Variants in PRDM6 observed in about 807,000 individuals in gnomAD.
The protein encoded by PRDM6 is putative histone-lysine N-methyltransferase PRDM6.
In PRDM6, 25 loss-of-function variants were observed where a neutral mutation model predicts 60.8. The observed-to-expected ratio is 0.41, with a 90% CI of 0.30 to 0.57. PRDM6 has a LOEUF of 0.57. PRDM6 is among the 20% of genes least tolerant of loss of function. PRDM6 has a pLI of 0.27. For missense variants in PRDM6, 839 were observed against 821.3 expected, an observed-to-expected ratio of 1.02 and a Z score of -0.26; for synonymous variants, 407 against 357.4, an observed-to-expected ratio of 1.14 and a Z score of -1.57.
chr5:123,129,666 C>T (rs1764775416), intron 3 of PRDM6, among the ~76,000 whole-genome samples: 1 of 152,122 alleles, frequency 6.6e-6, no homozygotes, highest in African/African-American at 2.4e-5. Context: ...GTAGGTCTAT[C>T]CTAAATTCAC....
Position 123,122,164 on chromosome 5 carries a change from CAAAAA to C in PRDM6, c.900+22221_900+22225del, listed in dbSNP as rs138619125. Among the ~76,000 whole-genome samples the C allele has an allele frequency of 1.2e-4, 12 of 98,906 alleles. 1 individual carries two copies. Among genetic ancestry groups the C allele is most frequent in the Non-Finnish European group, 9.2e-5 (5 of 54,546 alleles). 64.9% of individuals were successfully genotyped at this position (98,906 alleles called of 152,430 possible). ...GGCGACAGTGCGAGACTCCATCTGA[CAAAAA>C]AAAAAAAAAAAAAAAAAGAATTCCT... On this transcript the variant is annotated intron_variant, in intron 3 of 7. Coordinates refer to ENST00000407847, the MANE Select transcript of PRDM6 (RefSeq NM_001136239.4).
intron 2 of PRDM6, among the ~76,000 whole-genome samples, chr5:123,094,342 C>T (rs1411398235): frequency 6.6e-6 from 1 of 152,130 alleles, no homozygotes; most frequent in African/African-American, 2.4e-5. Flanking sequence ...CTGCCCTGCG[C>T]CTCCTCTGTC....
chr5:123,159,373 C>T (rs1765576100), intron 4 of PRDM6, 141 bp from the exon 5 acceptor site: 10 of 885,588 alleles, frequency 1.1e-5, no homozygotes, highest in Non-Finnish European at 1.7e-5. Flanking sequence ...TTGCTGGGGA[C>T]AATCAGTTGG....
intron 5 of PRDM6, among the ~76,000 whole-genome samples, chr5:123,164,736 G>C (rs566966415): frequency 9.2e-4 from 140 of 152,218 alleles, no homozygotes; most frequent in African/African-American, 3.2e-3. Context: ...AGGATATTGT[G>C]GTGTGCTGCC....
chr5:123,107,198 A>C (rs1764215518), intron 3 of PRDM6, among the ~76,000 whole-genome samples: 3 of 152,366 alleles, frequency 2.0e-5, no homozygotes, highest in Admixed American at 6.5e-5. Flanking sequence ...TATGATGCCA[A>C]TTTAAAAGGA....
At chr5:123,150,786 C>T (rs141005710) in intron 3 of PRDM6, among the ~76,000 whole-genome samples, 3 of 152,256 alleles carry the variant, frequency 2.0e-5, no homozygotes, top group East Asian at 1.9e-4. Flanking sequence ...TTGTAAACAG[C>T]GCTGGGTTCA....
intron 4 of PRDM6, among the ~76,000 whole-genome samples, chr5:123,158,837 GT>G (rs147933531): frequency 5.1e-4 from 76 of 148,072 alleles, no homozygotes; most frequent in Middle Eastern, 3.4e-3. Context: ...TAATCTGTAG[GT>G]TTTTTTTTTA....
chr5:123,105,505 TG>T (rs1764182652), intron 3 of PRDM6, among the ~76,000 whole-genome samples: 1 of 152,208 alleles, frequency 6.6e-6, no homozygotes, highest in African/African-American at 2.4e-5. Context: ...TAGTATAATA[TG>T]GATTAAAAAT....
chr5:123,141,237 G>A (rs953255745), intron 3 of PRDM6, among the ~76,000 whole-genome samples: 1 of 151,826 alleles, frequency 6.6e-6, no homozygotes, highest in East Asian at 1.9e-4. Flanking sequence ...GAAATATGAT[G>A]TGCTGCAATG....
At chr5:123,183,399 C>T (rs1410301542) in intron 7 of PRDM6, among the ~76,000 whole-genome samples, 1 of 152,132 alleles carries the variant, frequency 6.6e-6, no homozygotes, top group Admixed American at 6.6e-5. Context: ...TTTTTGAAGG[C>T]ATATCAAGAT....
At chr5:123,161,555 A>G (rs1276580526) in intron 5 of PRDM6, among the ~76,000 whole-genome samples, 1 of 152,210 alleles carries the variant, frequency 6.6e-6, no homozygotes. Context: ...GGAACAAGCC[A>G]TGTGTTAGTA....
chr5:123,089,915 C>G, intron 1 of PRDM6, 85 bp from the exon 2 acceptor site: 1 of 1,005,012 alleles, frequency 1.0e-6, no homozygotes, highest in Non-Finnish European at 1.4e-6. Context: ...CCGGCTCGGG[C>G]ACTTTCTCCA....
At chr5:123,135,002 A>AAAAAC (rs1245879530) in intron 3 of PRDM6, among the ~76,000 whole-genome samples, 179 of 152,074 alleles carry the variant, frequency 1.2e-3, no homozygotes, top group African/African-American at 4.3e-3. Context: ...ATTCTTAAAA[A>AAAAAC]AAAAACCCAA....
chr5:123,090,280 C>G lies in PRDM6; in HGVS notation c.266C>G (p.Ser89Cys), dbSNP rs767067488. Residue 89 changes from serine (S) to cysteine (C), a missense_variant, in exon 2 of 8, where the codon TCC (serine) becomes TGC (cysteine). By Grantham distance (112) the Ser-to-Cys change is moderately radical. Coordinates refer to ENST00000407847, the MANE Select transcript of PRDM6 (RefSeq NM_001136239.4). Reference sequence around the variant, plus strand: ...TCCACGCCGGCTTCCTCTTCCACCTCCGCCTCCTCCGCCTCCTCCTGCGCT... The same window carrying G: ...TCCACGCCGGCTTCCTCTTCCACCTGCGCCTCCTCCGCCTCCTCCTGCGCT... The part of the protein sequence containing the change: ...ASSTPASSST[S>C]ASSASSCAAA... The G allele has an allele frequency of 2.0e-6, 3 of 1,487,652 alleles. No individual in the cohort carries two copies. The African/African-American group carries it at 4.4e-5, about 22-fold the overall frequency. The allele number at this position is 1,487,652 out of a possible 1,614,324, so 92.2% of individuals were successfully genotyped here.
intron 6 of PRDM6, among the ~76,000 whole-genome samples, chr5:123,172,365 A>G (rs1765911736): frequency 2.0e-5 from 3 of 152,336 alleles, no homozygotes; most frequent in South Asian, 4.1e-4. Flanking sequence ...TAATGTTGAA[A>G]CATTAATTAG....
chr5:123,140,949 T>A (rs1012895343), intron 3 of PRDM6, among the ~76,000 whole-genome samples: 2 of 152,106 alleles, frequency 1.3e-5, no homozygotes, highest in African/African-American at 4.8e-5. Context: ...AAATTGAACC[T>A]CAGATTCTAA....
intron 5 of PRDM6, among the ~76,000 whole-genome samples, chr5:123,167,871 A>G (rs995447821): frequency 3.3e-5 from 5 of 152,188 alleles, no homozygotes; most frequent in African/African-American, 4.8e-5. Context: ...TTTTCTCACC[A>G]TGCATTACTT....
rs148468860 is a variant in PRDM6 at position 123,171,547 on chromosome 5, T to G, written c.1496+439T>G. 7.6e-3 allele frequency among the ~76,000 whole-genome samples: 1,164 copies of G among 152,312 alleles called. 21 individuals are homozygous for G. Among genetic ancestry groups the G allele is most frequent in the African/African-American group, 0.027 (1,110 of 41,560 alleles). ...ACTAAGAGGTAATGAATTGGAATTT[T>G]TTGCTTAGTACTATTTTTCTTCAGA... On this transcript the variant is annotated intron_variant, in intron 6 of 7. Coordinates refer to ENST00000407847, the MANE Select transcript of PRDM6 (RefSeq NM_001136239.4).
At chr5:123,179,320 C>T (rs1252397312) in intron 6 of PRDM6, among the ~76,000 whole-genome samples, 1 of 152,208 alleles carries the variant, frequency 6.6e-6, no homozygotes, top group Admixed American at 6.5e-5. Context: ...ACAATGACAT[C>T]CTATCATTTC....
Sources: allele counts gnomAD v4.1 joint callset (sites outside exome capture counted in the v4.1 genomes callset), GRCh38; gene constraint gnomAD v4.1.1; transcripts MANE v1.5; gene names NCBI Gene and HGNC (gene_info 2026-07-23, HGNC 2026-07-21).